Variants in KLHL22 observed in about 807,000 individuals in gnomAD.
KLHL22 encodes kelch like family member 22.
In KLHL22, 18 loss-of-function variants were observed where a neutral mutation model predicts 60.7. The observed-to-expected ratio is 0.30, with a 90% CI of 0.20 to 0.44. The LOEUF (loss-of-function observed/expected upper bound fraction) is 0.44. Among genes scored for constraint, KLHL22 ranks in the 20% least tolerant of loss-of-function variants. The pLI is 1.00. For synonymous variants in KLHL22, 355 were observed against 354.5 expected (o/e 1.00, Z -0.01); for missense variants, 596 against 852.3 (o/e 0.70, Z 3.74).
intron 2 of KLHL22, chr22:20,483,619 T>C (rs778202717): frequency 3.7e-5 from 27 of 726,342 alleles, no homozygotes; most frequent in Middle Eastern, 3.8e-4. Context: ...GACTCTAAAG[T>C]CATCAGCAGC....
rs765043448 is a variant in KLHL22, at chr22:20,489,158, T to G, written c.54A>C (p.Ser18=). 4 of 1,614,134 alleles carry G rather than the reference T, an allele frequency of 2.5e-6. No individual in the cohort carries two copies. The highest frequency in any genetic ancestry group is 3.4e-6 in the Non-Finnish European group (4 of 1,180,034). The part of the protein sequence containing the change: ...TQLCKLPAQP[S]HPHCVNNTYR... ...AGGTGTTGTTCACGCAGTGTGGGTGTGAGGGCTGTGCAGGCAACTTGCAGA... is the reference window on the plus strand; with the variant it reads ...AGGTGTTGTTCACGCAGTGTGGGTGGGAGGGCTGTGCAGGCAACTTGCAGA... The change falls in exon 2 of 7, where the codon TCA becomes TCC. Residue 18 remains serine, a synonymous_variant. Transcript: ENST00000328879.
Position 20,457,803 on chromosome 22 carries a change from CT to C in KLHL22, c.1305+4del. 6.3e-7 allele frequency: 1 copy of C among 1,587,550 alleles called. No individual in the cohort carries two copies. The highest frequency in any genetic ancestry group is 8.6e-7 in the Non-Finnish European group (1 of 1,165,696). ...GAGAAGGCCCCTCTTCGAGGGCTTC[CT>C]TACCTCCCTCTTGAGTGGGGCCACG... On this transcript the variant is annotated splice_donor_region_variant and intron_variant, in intron 5 of 6. Coordinates refer to ENST00000328879, the MANE Select transcript of KLHL22 (RefSeq NM_032775.4).
At chr22:20,456,167 A>G (rs1178937480) in intron 5 of KLHL22, 2 of 152,190 alleles carry the variant, frequency 1.3e-5, no homozygotes, top group African/African-American at 4.8e-5. Flanking sequence ...TCATCCTACC[A>G]GAGCCCCCTC....
At chr22:20,451,488 AC>A (rs1179383779) in intron 5 of KLHL22, 1 of 1,597,888 alleles carries the variant, frequency 6.3e-7, no homozygotes, top group Admixed American at 1.7e-5. Context: ...CTAATGTTAC[AC>A]CAATGGCCAC....
At chr22:20,474,639 G>A (rs112756688) in intron 2 of KLHL22, among the ~76,000 whole-genome samples, 1 of 152,092 alleles carries the variant, frequency 6.6e-6, no homozygotes, top group African/African-American at 2.4e-5. Flanking sequence ...TGATCCACCC[G>A]CCTCAGCCTC....
intron 1 of KLHL22, among the ~76,000 whole-genome samples, chr22:20,492,717 G>A (rs539254048): frequency 1.3e-5 from 2 of 152,084 alleles, no homozygotes; most frequent in Non-Finnish European, 1.5e-5. Flanking sequence ...AGCCTCCCCA[G>A]TAGCTGGGAT....
intron 1 of KLHL22, among the ~76,000 whole-genome samples, chr22:20,490,963 G>A (rs1402303014): frequency 6.6e-6 from 1 of 152,166 alleles, no homozygotes; most frequent in Non-Finnish European, 1.5e-5. Flanking sequence ...GATCCCACAG[G>A]TTGAGGGCTG....
rs187190502 is a variant in KLHL22, at chr22:20,454,718, T to C, written c.1305+3090A>G. Among the ~76,000 whole-genome samples the C allele has an allele frequency of 8.3e-4, 126 of 152,354 alleles. 3 individuals carry two copies. The highest frequency in any genetic ancestry group is 5.0e-3 in the South Asian group (24 of 4,832). On this transcript the variant is annotated intron_variant, in intron 5 of 6. Transcript: ENST00000328879. Reference sequence around the variant, plus strand: ...CAATATGAGGAATTCTGTATTAATATATGTATTATTAATTGGGTTGGGAAA... The same window carrying C: ...CAATATGAGGAATTCTGTATTAATACATGTATTATTAATTGGGTTGGGAAA...
In KLHL22 at chr22:20,442,070, A is replaced by T; in HGVS notation, c.*3T>A. Reference sequence around the variant, plus strand: ...CTTCCCTCTGATGCCAGGCACAGGGAGCCTAGTCCTCACTGGAGTTGTCAA... The same window carrying T: ...CTTCCCTCTGATGCCAGGCACAGGGTGCCTAGTCCTCACTGGAGTTGTCAA... On this transcript the variant is annotated 3_prime_UTR_variant, in exon 7 of 7. Coordinates refer to ENST00000328879, the MANE Select transcript of KLHL22 (RefSeq NM_032775.4). The T allele has an allele frequency of 6.7e-7, 1 of 1,490,078 alleles. No homozygotes were observed. Among genetic ancestry groups the T allele is most frequent in the Non-Finnish European group, 8.9e-7 (1 of 1,119,200 alleles). 92.3% of individuals were successfully genotyped at this position (1,490,078 alleles called of 1,614,324 possible).
chr22:20,481,991 C>T (rs970752587), intron 2 of KLHL22: 23 of 152,342 alleles, frequency 1.5e-4, no homozygotes, highest in African/African-American at 5.5e-4. Context: ...GATCCCACTA[C>T]TCAACAGCAT....
At chr22:20,470,721 T>G (rs112648849) in intron 3 of KLHL22, among the ~76,000 whole-genome samples, 1 of 150,594 alleles carries the variant, frequency 6.6e-6, no homozygotes, top group Admixed American at 6.6e-5. Context: ...GATGCATGCA[T>G]GGATGGATGG....
At chr22:20,490,829 C>T (rs2053675717) in intron 1 of KLHL22, among the ~76,000 whole-genome samples, 1 of 152,108 alleles carries the variant, frequency 6.6e-6, no homozygotes, top group Non-Finnish European at 1.5e-5. Context: ...GCTGGATCAC[C>T]CTCCACTCAC....
At chr22:20,458,214 G>A (rs1263200613) in intron 4 of KLHL22, among the ~76,000 whole-genome samples, 2 of 151,386 alleles carry the variant, frequency 1.3e-5, no homozygotes, top group African/African-American at 2.4e-5. Flanking sequence ...AGCATGGAAG[G>A]AATGGCCAGG....
intron 2 of KLHL22, among the ~76,000 whole-genome samples, chr22:20,486,082 T>G (rs1288454611): frequency 7.2e-6 from 1 of 138,164 alleles, no homozygotes; most frequent in Non-Finnish European, 1.5e-5. Flanking sequence ...GCAGGAGAAT[T>G]GCTTGAACCC....
intron 1 of KLHL22, chr22:20,491,218 C>T (rs1409067962): frequency 6.6e-6 from 1 of 152,234 alleles, no homozygotes; most frequent in Admixed American, 6.5e-5. Context: ...CTTTAGGAGC[C>T]TCCATGTGTT....
chr22:20,465,132 C>T lies in KLHL22; in HGVS notation c.838G>A (p.Glu280Lys). The T allele has an allele frequency of 6.2e-7, 1 of 1,613,992 alleles. No individual in the cohort carries two copies. Among genetic ancestry groups the T allele is most frequent in the South Asian group, 1.1e-5 (1 of 91,074 alleles). Residue 280 changes from glutamate to lysine, a missense_variant, in exon 4 of 7, where the codon GAG (glutamate) becomes AAG (lysine). Glu to Lys is a moderately conservative substitution (Grantham distance 56). Transcript: ENST00000328879. The surrounding 1 kb of genome is among the most constrained non-coding windows in gnomAD (Gnocchi z 4.9). ...CTCTGCAGGCTGGGCTGTAGGCTCT[C>T]GTTCCGGTGGTACATGAGGGCGCTG... ...VASALMYHRN[E>K]SLQPSLQSPQ...
chr22:20,450,977 G>A, intron 5 of KLHL22: 1 of 1,588,408 alleles, frequency 6.3e-7, no homozygotes. Flanking sequence ...TTGGTGGCTG[G>A]GGGCTTCGGA....
chr22:20,445,488 G>A (rs2052844448), intron 6 of KLHL22, among the ~76,000 whole-genome samples: 1 of 152,194 alleles, frequency 6.6e-6, no homozygotes, highest in African/African-American at 2.4e-5. Flanking sequence ...TTACAGGCGT[G>A]AGCCACCGCG....
chr22:20,469,048 C>A (rs1376088457), intron 3 of KLHL22, among the ~76,000 whole-genome samples: 1 of 152,130 alleles, frequency 6.6e-6, no homozygotes, highest in Non-Finnish European at 1.5e-5. Context: ...CTGTCGGGAG[C>A]ACTGGCCAAA....
Sources: allele counts gnomAD v4.1 joint callset (sites outside exome capture counted in the v4.1 genomes callset), GRCh38; gene constraint gnomAD v4.1.1; non-coding constraint Gnocchi (gnomAD v3.1); transcripts MANE v1.5; gene names NCBI Gene and HGNC (gene_info 2026-07-23, HGNC 2026-07-21).